The following ZFP28 variants were observed in gnomAD, a reference collection of about 807,000 sequenced individuals.
The protein encoded by ZFP28 is ZFP28 zinc finger protein, also known as zinc finger protein 28 homolog.
In ZFP28, 31 loss-of-function variants were observed where a neutral mutation model predicts 39.5. The ratio of observed to expected loss-of-function variants is 0.79; its 90% confidence interval spans 0.59 to 1.06. ZFP28 has a LOEUF of 1.06. Ranked by LOEUF, ZFP28 falls within the 50% of genes least tolerant of loss-of-function variation. The pLI is 0.00. For synonymous variants in ZFP28, 400 were observed against 378.6 expected, an observed-to-expected ratio of 1.06 and a Z score of -0.66; for missense variants, 925 against 1,048.4, an observed-to-expected ratio of 0.88 and a Z score of 1.63.
chr19:56,548,918 A>G, intron 4 of ZFP28, 40 bp from the exon 5 acceptor site: 3 of 1,570,898 alleles, frequency 1.9e-6, no homozygotes, highest in Non-Finnish European at 1.7e-6. Context: ...TCATACTAAC[A>G]CATGATAAAA....
At position 56,555,430 on chromosome 19, in the gene ZFP28, T is replaced by C. The variant is rs2147967485; in HGVS notation, c.*38T>C. The C allele has an allele frequency of 2.6e-6, 4 of 1,550,956 alleles. No homozygotes were observed. The Middle Eastern group carries it at 5.2e-4, about 203-fold the overall frequency. On this transcript the variant is annotated 3_prime_UTR_variant, in exon 8 of 8. Transcript: ENST00000301318. ...ATTTCTGTTTGACTACTCCAGCAGTTTAAAACCCCATCTCCCTGCCCTTTT... is the reference window on the plus strand; with the variant it reads ...ATTTCTGTTTGACTACTCCAGCAGTCTAAAACCCCATCTCCCTGCCCTTTT...
chr19:56,549,471 A>G (rs2044274273), intron 5 of ZFP28, among the ~76,000 whole-genome samples: 1 of 152,108 alleles, frequency 6.6e-6, no homozygotes, highest in African/African-American at 2.4e-5. Context: ...AGGTCAGGAG[A>G]TCGAGACCAT....
At chr19:56,551,398 T>C in intron 7 of ZFP28, 1 of 985,690 alleles carries the variant, frequency 1.0e-6, no homozygotes, top group Non-Finnish European at 1.2e-6. Context: ...CACACATTTT[T>C]TCACATAGTA....
intron 7 of ZFP28, chr19:56,550,848 A>G: frequency 1.4e-6 from 2 of 1,455,564 alleles, no homozygotes; most frequent in East Asian, 2.5e-5. Context: ...TGTATCATCC[A>G]CTTGCTTCCT....
At position 56,554,307 on chromosome 19, in the gene ZFP28, A is replaced by G; in HGVS notation, c.1522A>G (p.Ile508Val). ...YHTGEKPFDCIDCGKAFSDHI... is the reference protein window; with the variant it reads ...YHTGEKPFDCVDCGKAFSDHI... ...TACTGGGGAGAAACCCTTTGATTGC[A>G]TCGATTGTGGGAAAGCCTTCAGTGA... Residue 508 changes from isoleucine (I) to valine (V), a missense_variant, in exon 8 of 8, where the codon ATC (isoleucine) becomes GTC (valine). Transcript: ENST00000301318. This position sits in a 1 kb window ranked among gnomAD's most constrained non-coding sequence, Gnocchi z 6.7. 6.2e-7 allele frequency: 1 copy of G among 1,614,134 alleles called. No homozygotes were observed. Among genetic ancestry groups the G allele is most frequent in the South Asian group, 1.1e-5 (1 of 91,086 alleles).
At chr19:56,550,880 T>A in intron 7 of ZFP28, 2 of 1,438,176 alleles carry the variant, frequency 1.4e-6, no homozygotes, top group Non-Finnish European at 9.1e-7. Flanking sequence ...TTCTGGACCC[T>A]GATGCACTTT....
In ZFP28 at chr19:56,553,763, A is replaced by G. The variant is rs775325382; in HGVS notation, c.978A>G (p.Ser326=). 3.7e-6 allele frequency: 6 copies of G among 1,614,194 alleles called. No individual in the cohort carries two copies. In the South Asian group the frequency reaches 5.5e-5, roughly 15 times the overall value. The part of the protein sequence containing the change: ...SYAEGVTDRT[S]NTKLDCSSFR... Reference sequence around the variant, plus strand: ...CTGAAGGGGTAACAGACAGAACCTCAAACACTAAACTTGATTGTTCCAGTT... The same window carrying G: ...CTGAAGGGGTAACAGACAGAACCTCGAACACTAAACTTGATTGTTCCAGTT... The change falls in exon 8 of 8, where the codon TCA becomes TCG. Residue 326 remains serine (S), a synonymous_variant. Transcript: ENST00000301318.
intron 2 of ZFP28, chr19:56,545,919 C>A (rs1173970584): frequency 6.6e-6 from 1 of 152,162 alleles, no homozygotes; most frequent in Non-Finnish European, 1.5e-5. Flanking sequence ...CAAATGGGGA[C>A]TGGGTGAGGA....
At chr19:56,539,563 C>A in intron 1 of ZFP28, 62 bp from the exon 2 acceptor site, 1 of 1,422,174 alleles carries the variant, frequency 7.0e-7, no homozygotes. Flanking sequence ...AGGGACGTTT[C>A]TAGGCTGGTG....
chr19:56,555,397 GAGACGTCAT>G lies in ZFP28; in HGVS notation c.*6_*14del. ...TCCTCCCTCCCATCACCATAGCCTC[GAGACGTCAT>G]TTCTGTTTGACTACTCCAGCAGTTT... is the stretch of plus-strand genomic sequence containing the variant. On this transcript the variant is annotated 3_prime_UTR_variant, in exon 8 of 8. Coordinates refer to ENST00000301318, the MANE Select transcript of ZFP28 (RefSeq NM_020828.2). 4 of 1,593,698 alleles carry G rather than the reference GAGACGTCAT, an allele frequency of 2.5e-6. No individual in the cohort carries two copies. Among genetic ancestry groups the G allele is most frequent in the Non-Finnish European group, 3.4e-6 (4 of 1,170,736 alleles).
Position 56,550,939 on chromosome 19 carries a change from T to G in ZFP28, c.898+334T>G, listed in dbSNP as rs556681132. ...TCTTCTGTGGTTAAATGGCCTATTG[T>G]TTTCATCATGCATCCATTCCTGTGA... On this transcript the variant is annotated intron_variant, in intron 7 of 7. Transcript: ENST00000301318. 5.7e-6 allele frequency: 8 copies of G among 1,404,866 alleles called. No individual in the cohort carries two copies. The South Asian group carries it at 1.3e-4, about 23-fold the overall frequency. 87.0% of individuals were successfully genotyped at this position (1,404,866 alleles called of 1,614,324 possible). A position where few individuals can be genotyped will look rare whatever the true frequency, so the allele number is the denominator to read the frequency against.
intron 4 of ZFP28, among the ~76,000 whole-genome samples, chr19:56,548,186 A>T (rs1227396287): frequency 6.6e-6 from 1 of 152,242 alleles, no homozygotes; most frequent in East Asian, 1.9e-4. Flanking sequence ...TCTTTGTTCA[A>T]TTCACACTTC....
chr19:56,551,024 G>T (rs972560359), intron 7 of ZFP28: 109 of 1,223,062 alleles, frequency 8.9e-5, no homozygotes, highest in Non-Finnish European at 1.1e-4. Flanking sequence ...CAGGCGATTG[G>T]AAAAAGGGAG....
chr19:56,541,916 A>G lies in ZFP28; in HGVS notation c.300+2200A>G, dbSNP rs1192068800. ...TTTTTTTTTTTTTTTTTTTAGAGAC[A>G]GGGTTTCACCATGTTGGCCAGGCTG... On this transcript the variant is annotated intron_variant, in intron 2 of 7. Transcript: ENST00000301318. Among the ~76,000 whole-genome samples, 4 of 104,800 alleles carry G rather than the reference A, an allele frequency of 3.8e-5. No homozygotes were observed. The Admixed American group carries it at 4.8e-4, about 13-fold the overall frequency. 68.8% of individuals were successfully genotyped at this position (104,800 alleles called of 152,430 possible). A position where few individuals can be genotyped will look rare whatever the true frequency, so the allele number is the denominator to read the frequency against.
chr19:56,551,588 A>G (rs2044303936), intron 7 of ZFP28: 2 of 985,238 alleles, frequency 2.0e-6, no homozygotes, highest in Non-Finnish European at 2.4e-6. Flanking sequence ...CCTGGATATG[A>G]GCACCTGCTA....
rs2044329310 is a variant in ZFP28 at position 56,554,195 on chromosome 19, C to A, written c.1410C>A (p.His470Gln). 1 of 1,614,054 alleles carries A rather than the reference C, an allele frequency of 6.2e-7. No homozygotes were observed. Among genetic ancestry groups the A allele is most frequent in the Non-Finnish European group, 8.5e-7 (1 of 1,180,040 alleles). Residue 470 changes from histidine to glutamine, a missense_variant, in exon 8 of 8, where the codon CAC (histidine) becomes CAA (glutamine). His to Gln is a conservative substitution (Grantham distance 24). Transcript: ENST00000301318. The surrounding 1 kb of genome is among the most constrained non-coding windows in gnomAD (Gnocchi z 6.7). ...CCTTTGCCCGACACCAGAGATGTCA[C>A]ACTGGCAAGAAGCCCTATGAGTGCA... ...GSSFARHQRC[H>Q]TGKKPYECIE... is the part of the protein sequence containing the mutation.
chr19:56,553,838 A>G lies in ZFP28; in HGVS notation c.1053A>G (p.Val351=), dbSNP rs370690910. 6.6e-5 allele frequency: 106 copies of G among 1,614,066 alleles called. No individual in the cohort carries two copies. Among genetic ancestry groups the G allele is most frequent in the Non-Finnish European group, 8.6e-5 (101 of 1,180,040 alleles). Residue 351 remains valine, a synonymous_variant, in exon 8 of 8, where the codon GTA becomes GTG. Transcript: ENST00000301318. ...ATGTGTTTGGAAGGAAGCTTGCAGT[A>G]GGTCAAGAGACACAATTCAGGCAAG... ...SDYVFGRKLA[V]GQETQFRQEP... is the part of the protein sequence containing the mutation.
intron 2 of ZFP28, among the ~76,000 whole-genome samples, chr19:56,541,877 ATTTTTTTTTTTT>A (rs11297964): frequency 1.3e-4 from 8 of 61,344 alleles, no homozygotes; most frequent in African/African-American, 2.8e-4. Flanking sequence ...CACCTGGCTA[ATTTTTTTTTTTT>A]TTTTTTTTTT....
Position 56,554,218 on chromosome 19 carries a change from G to A in ZFP28, c.1433G>A (p.Cys478Tyr), listed in dbSNP as rs1373741015. 6.2e-7 allele frequency: 1 copy of A among 1,614,160 alleles called. No homozygotes were observed. The highest frequency in any genetic ancestry group is 8.5e-7 in the Non-Finnish European group (1 of 1,180,032). ...RCHTGKKPYE[C>Y]IECGKAFIQN... ...CACACTGGCAAGAAGCCCTATGAGT[G>A]CATTGAGTGTGGGAAAGCTTTCATA... The change falls in exon 8 of 8, where the codon TGC becomes TAC. Residue 478 changes from cysteine (C) to tyrosine (Y), a missense_variant. Cys to Tyr is a radical substitution (Grantham distance 194). This residue lies in a region of ZFP28 where 369 missense variants were observed against 505.5 expected (regional missense o/e 0.73). Transcript: ENST00000301318. The surrounding 1 kb of genome is among the most constrained non-coding windows in gnomAD (Gnocchi z 6.7).
Sources: gnomAD v4.1 joint callset for allele counts (sites outside exome capture counted in the v4.1 genomes callset) on GRCh38, gnomAD v4.1.1 for gene constraint, gnomAD v4.1.1 regional missense constraint, Gnocchi (gnomAD v3.1) non-coding constraint, MANE v1.5 for transcripts, NCBI Gene and HGNC (gene_info 2026-07-23, HGNC 2026-07-21) for gene names.